ZNF445: variants seen among roughly 807,000 people sequenced by gnomAD.
ZNF445 encodes the protein zinc finger protein 168.
In ZNF445, 19 loss-of-function variants were observed where a neutral mutation model predicts 93.9. The observed-to-expected ratio is 0.20, with a 90% CI of 0.14 to 0.30. The LOEUF (loss-of-function observed/expected upper bound fraction) is 0.30, where lower values mean the gene tolerates loss of function less well. Ranked by LOEUF, ZNF445 falls within the 10% of genes least tolerant of loss-of-function variation. The probability of loss-of-function intolerance (pLI) is 1.00; values close to 1 mark genes in which losing one functional copy is unlikely to be tolerated. For synonymous variants in ZNF445, 449 were observed against 446.3 expected (o/e 1.01, Z -0.08); for missense variants, 1,058 against 1,259.4 (o/e 0.84, Z 2.42).
At position 44,437,421 on chromosome 3, in the gene ZNF445, C is replaced by T. The variant is rs1697704569; in HGVS notation, c.*9154G>A. 1 of 151,472 alleles carries T rather than the reference C, an allele frequency of 6.6e-6. No homozygotes were observed. Among genetic ancestry groups the T allele is most frequent in the Admixed American group, 6.6e-5 (1 of 15,226 alleles). 9.4% of individuals were successfully genotyped at this position (151,472 alleles called of 1,614,324 possible). A position where few individuals can be genotyped will look rare whatever the true frequency, so the allele number is the denominator to read the frequency against. ...TTTGTTACAGGAAAGGGGTCCCGATCCAGACTCTTAAGAGAGTTCTTGGAT... is the reference window on the plus strand; with the variant it reads ...TTTGTTACAGGAAAGGGGTCCCGATTCAGACTCTTAAGAGAGTTCTTGGAT... On this transcript the variant is annotated 3_prime_UTR_variant, in exon 8 of 8. Transcript: ENST00000396077.
intron 1 of ZNF445, among the ~76,000 whole-genome samples, chr3:44,469,759 A>C (rs1698239976): frequency 2.6e-5 from 4 of 151,920 alleles, no homozygotes; most frequent in Admixed American, 2.0e-4. Context: ...ACAAAGCAAA[A>C]CTCCATCTCA....
In ZNF445 at chr3:44,436,932, C is replaced by T. The variant is rs1697692705; in HGVS notation, c.*9643G>A. 6.6e-6 allele frequency: 1 copy of T among 152,220 alleles called. No individual in the cohort carries two copies. Among genetic ancestry groups the T allele is most frequent in the Non-Finnish European group, 1.5e-5 (1 of 68,058 alleles). The allele number at this position is 152,220 out of a possible 1,614,324, so 9.4% of individuals were successfully genotyped here. On this transcript the variant is annotated 3_prime_UTR_variant, in exon 8 of 8. Transcript: ENST00000396077. ...TTGTTACCGCAAAAGGTTCCCAATC[C>T]AGACCCCAAGAGAGGGTTCTTGGAT...
At chr3:44,456,626 C>T (rs867839763) in intron 2 of ZNF445, among the ~76,000 whole-genome samples, 6 of 152,116 alleles carry the variant, frequency 3.9e-5, no homozygotes, top group Middle Eastern at 3.2e-3. Flanking sequence ...CACAAGAATG[C>T]CCAACTGACT....
At chr3:44,450,208 G>A in intron 6 of ZNF445, 1 of 507,116 alleles carries the variant, frequency 2.0e-6, no homozygotes, top group Admixed American at 3.4e-5. Flanking sequence ...CGAAGTGGTG[G>A]GATTACAGGT....
intron 5 of ZNF445, 55 bp from the exon 6 acceptor site, chr3:44,450,628 A>G: frequency 6.3e-7 from 1 of 1,584,156 alleles, no homozygotes; most frequent in Non-Finnish European, 8.6e-7. Context: ...TTGAGGTGGA[A>G]AGGGAGAGAA....
In ZNF445 at chr3:44,434,044, T is replaced by C. The variant is rs1697621094; in HGVS notation, c.*12531A>G. 1 of 152,156 alleles carries C rather than the reference T, an allele frequency of 6.6e-6. No homozygotes were observed. The highest frequency in any genetic ancestry group is 6.5e-5 in the Admixed American group (1 of 15,280). 9.4% of individuals were successfully genotyped at this position (152,156 alleles called of 1,614,324 possible). A position where few individuals can be genotyped will look rare whatever the true frequency, so the allele number is the denominator to read the frequency against. The stretch of plus-strand genomic sequence containing the variant: ...TTTCCCCAAAATGTTAAATGTGGAA[T>C]TATGTGATTCAGAAAATCACATACA... On this transcript the variant is annotated 3_prime_UTR_variant, in exon 8 of 8. Coordinates refer to ENST00000396077, the MANE Select transcript of ZNF445 (RefSeq NM_181489.6).
At chr3:44,462,445 G>A (rs372207998) in intron 1 of ZNF445, among the ~76,000 whole-genome samples, 1 of 152,234 alleles carries the variant, frequency 6.6e-6, no homozygotes, top group South Asian at 2.1e-4. Flanking sequence ...CCTCCTTCTG[G>A]GAAGAACAGT....
At position 44,455,592 on chromosome 3, in the gene ZNF445, C is replaced by T; in HGVS notation, c.-43G>A. On this transcript the variant is annotated 5_prime_UTR_variant, in exon 3 of 8. Coordinates refer to ENST00000396077, the MANE Select transcript of ZNF445 (RefSeq NM_181489.6). ...TAACCAGAAGAGTGCGAACCAAGTCCACCTTAGACGTGGGTCCTCAGAAGT... is the reference window on the plus strand; with the variant it reads ...TAACCAGAAGAGTGCGAACCAAGTCTACCTTAGACGTGGGTCCTCAGAAGT... 1 of 1,519,764 alleles carries T rather than the reference C, an allele frequency of 6.6e-7. No individual in the cohort carries two copies. Among genetic ancestry groups the T allele is most frequent in the African/African-American group, 1.4e-5 (1 of 72,066 alleles). 94.1% of individuals were successfully genotyped at this position (1,519,764 alleles called of 1,614,324 possible). A position where few individuals can be genotyped will look rare whatever the true frequency, so the allele number is the denominator to read the frequency against.
chr3:44,446,403 TAGCAGGC>T lies in ZNF445; in HGVS notation c.*165_*171del, dbSNP rs941594302. ...GCTGCACTTCCCCAGCGTCACATCC[TAGCAGGC>T]AGGCTGGGGACTCCCCGAGCTTTCA... On this transcript the variant is annotated 3_prime_UTR_variant, in exon 8 of 8. Coordinates refer to ENST00000396077, the MANE Select transcript of ZNF445 (RefSeq NM_181489.6). This position sits in a 1 kb window ranked among gnomAD's most constrained non-coding sequence, Gnocchi z 4.2. 2.4e-5 allele frequency: 22 copies of T among 901,616 alleles called. No individual in the cohort carries two copies. Among genetic ancestry groups the T allele is most frequent in the Non-Finnish European group, 3.5e-5 (21 of 608,248 alleles). 55.9% of individuals were successfully genotyped at this position (901,616 alleles called of 1,614,324 possible).
At position 44,440,196 on chromosome 3, in the gene ZNF445, G is replaced by A. The variant is rs1462927464; in HGVS notation, c.*6379C>T. Reference sequence around the variant, plus strand: ...TAAGGTCTTTGCTAAAATAACTGGTGTGGTTTCTGGCAACTAAAACCTGGC... The same window carrying A: ...TAAGGTCTTTGCTAAAATAACTGGTATGGTTTCTGGCAACTAAAACCTGGC... On this transcript the variant is annotated 3_prime_UTR_variant, in exon 8 of 8. Transcript: ENST00000396077. The A allele has an allele frequency of 6.6e-6, 1 of 152,206 alleles. No individual in the cohort carries two copies. Among genetic ancestry groups the A allele is most frequent in the Non-Finnish European group, 1.5e-5 (1 of 68,040 alleles). The allele number at this position is 152,206 out of a possible 1,614,324, so 9.4% of individuals were successfully genotyped here. A position where few individuals can be genotyped will look rare whatever the true frequency, so the allele number is the denominator to read the frequency against.
At chr3:44,475,385 A>C (rs1345937186) in intron 1 of ZNF445, among the ~76,000 whole-genome samples, 2 of 151,620 alleles carry the variant, frequency 1.3e-5, no homozygotes, top group Non-Finnish European at 2.9e-5. Context: ...TTTTTAGTAG[A>C]GATGGGGTTT....
rs1315359204 is a variant in ZNF445 at position 44,446,525 on chromosome 3, T to C, written c.*50A>G. The C allele has an allele frequency of 1.9e-6, 3 of 1,608,286 alleles. No homozygotes were observed. The highest frequency in any genetic ancestry group is 2.5e-6 in the Non-Finnish European group (3 of 1,178,760). ...CCACAATGCCTATAATTAAGGGTTC[T>C]CTAGCAGGGGACTGAGAACCCACCC... On this transcript the variant is annotated 3_prime_UTR_variant, in exon 8 of 8. Coordinates refer to ENST00000396077, the MANE Select transcript of ZNF445 (RefSeq NM_181489.6). This position sits in a 1 kb window ranked among gnomAD's most constrained non-coding sequence, Gnocchi z 4.2.
In ZNF445 at chr3:44,447,098, T is replaced by C; in HGVS notation, c.2573A>G (p.His858Arg). The change falls in exon 8 of 8, where the codon CAT becomes CGT. Residue 858 changes from histidine to arginine, a missense_variant. By Grantham distance (29) the His-to-Arg change is conservative (BLOSUM62 0). Coordinates refer to ENST00000396077, the MANE Select transcript of ZNF445 (RefSeq NM_181489.6). The surrounding 1 kb of genome is among the most constrained non-coding windows in gnomAD (Gnocchi z 4.7). ...TFTRKRTLLD[H>R]KGIHSGEKRY... Reference sequence around the variant, plus strand: ...CTTCTCTCCACTGTGTATTCCCTTATGATCTAAAAGGGTTCTTTTACGTGT... The same window carrying C: ...CTTCTCTCCACTGTGTATTCCCTTACGATCTAAAAGGGTTCTTTTACGTGT... 6.2e-7 allele frequency: 1 copy of C among 1,614,246 alleles called. No individual in the cohort carries two copies. Among genetic ancestry groups the C allele is most frequent in the Non-Finnish European group, 8.5e-7 (1 of 1,180,046 alleles).
chr3:44,476,055 A>T (rs1470192798), intron 1 of ZNF445, among the ~76,000 whole-genome samples: 1 of 152,198 alleles, frequency 6.6e-6, no homozygotes, highest in Non-Finnish European at 1.5e-5. Flanking sequence ...AAGAATAGGA[A>T]GGAAAAAAAG....
intron 1 of ZNF445, among the ~76,000 whole-genome samples, chr3:44,473,310 C>A (rs1358322149): frequency 6.6e-6 from 1 of 151,888 alleles, no homozygotes; most frequent in African/African-American, 2.4e-5. Flanking sequence ...CAAAAATTAG[C>A]CGGCATGGTG....
Position 44,455,377 on chromosome 3 carries a change from A to G in ZNF445, c.173T>C (p.Phe58Ser). 1 of 1,614,140 alleles carries G rather than the reference A, an allele frequency of 6.2e-7. No homozygotes were observed. The highest frequency in any genetic ancestry group is 8.5e-7 in the Non-Finnish European group (1 of 1,179,998). The change falls in exon 3 of 8, where the codon TTC becomes TCC. Residue 58 changes from phenylalanine (F) to serine (S), a missense_variant. By Grantham distance (155) the Phe-to-Ser change is radical. Coordinates refer to ENST00000396077, the MANE Select transcript of ZNF445 (RefSeq NM_181489.6). ...AGACTCATGGTAGCGAAGCTGTCTG[A>G]AGAGCTGGCGGAACAGCTCCTGGCC... ...RPGQELFRQLFRQLRYHESSG... is the reference protein window; with the variant it reads ...RPGQELFRQLSRQLRYHESSG...
In ZNF445 at chr3:44,467,667, C is replaced by T. The variant is rs560919855; in HGVS notation, c.-268-9303G>A. On this transcript the variant is annotated intron_variant, in intron 1 of 7. Coordinates refer to ENST00000396077, the MANE Select transcript of ZNF445 (RefSeq NM_181489.6). ...TGGAACAGAGTTCTATCAAAACCAACTTAAAAAGCCTAAGTGAAAAATAAT... is the reference window on the plus strand; with the variant it reads ...TGGAACAGAGTTCTATCAAAACCAATTTAAAAAGCCTAAGTGAAAAATAAT... Among the ~76,000 whole-genome samples, 267 of 152,284 alleles carry T rather than the reference C, an allele frequency of 1.8e-3. 1 individual carries two copies. The highest frequency in any genetic ancestry group is 4.2e-3 in the Admixed American group (65 of 15,302).
rs1280444857 is a variant in ZNF445, at chr3:44,441,904, T to C, written c.*4671A>G. ...TCATATTATTTGAATCCACAGAAAA[T>C]AGATTACTGTGCAAAACAATAACAC... On this transcript the variant is annotated 3_prime_UTR_variant, in exon 8 of 8. Transcript: ENST00000396077. 6.6e-6 allele frequency: 1 copy of C among 152,094 alleles called. No individual in the cohort carries two copies. Among genetic ancestry groups the C allele is most frequent in the Admixed American group, 6.5e-5 (1 of 15,270 alleles). The allele number at this position is 152,094 out of a possible 1,614,324, so 9.4% of individuals were successfully genotyped here. A position where few individuals can be genotyped will look rare whatever the true frequency, so the allele number is the denominator to read the frequency against.
chr3:44,449,975 C>T, intron 6 of ZNF445: 1 of 302,838 alleles, frequency 3.3e-6, no homozygotes, highest in East Asian at 8.8e-5. Flanking sequence ...GGGTCTCACT[C>T]TGTTACCCAA....
Sources: gnomAD v4.1 joint callset for allele counts (sites outside exome capture counted in the v4.1 genomes callset) on GRCh38, gnomAD v4.1.1 for gene constraint, Gnocchi (gnomAD v3.1) non-coding constraint, MANE v1.5 for transcripts, NCBI Gene and HGNC (gene_info 2026-07-23, HGNC 2026-07-21) for gene names.